Variants in LRP5 observed in about 807,000 individuals in gnomAD.
The protein encoded by LRP5 is LDL receptor related protein 5, also known as low-density lipoprotein receptor-related protein 5.
A neutral mutation model predicts 154.1 loss-of-function variants in LRP5; 62 were observed. The ratio of observed to expected loss-of-function variants is 0.40; its 90% CI spans 0.33 to 0.50. The LOEUF (loss-of-function observed/expected upper bound fraction) is 0.50. LRP5 is among the 20% of genes least tolerant of loss of function. The probability of loss-of-function intolerance (pLI) is 0.55; values close to 1 mark genes in which losing one functional copy is unlikely to be tolerated. For missense variants in LRP5, 1,915 were observed against 2,336.7 expected (o/e 0.82, Z 3.72); for synonymous variants, 966 against 1,011.5 (o/e 0.96, Z 0.85).
chr11:68,438,736 C>G, intron 20 of LRP5, 54 bp downstream of exon 20: 2 of 1,542,594 alleles, frequency 1.3e-6, no homozygotes, highest in Non-Finnish European at 1.8e-6. Flanking sequence ...GTAGTCTGGG[C>G]AGCTTTGGGG....
At chr11:68,319,581 C>G (rs1338625191) in intron 1 of LRP5, among the ~76,000 whole-genome samples, 1 of 152,126 alleles carries the variant, frequency 6.6e-6, no homozygotes, top group African/African-American at 2.4e-5. Flanking sequence ...GCCTCCAACT[C>G]CTGGGCTCAA....
chr11:68,439,773 C>A lies in LRP5; in HGVS notation c.4349-4C>A. The A allele has an allele frequency of 2.5e-6, 4 of 1,610,022 alleles. No homozygotes were observed. The highest frequency in any genetic ancestry group is 1.7e-5 in the Admixed American group (1 of 59,694). On this transcript the variant is annotated splice_region_variant and splice_polypyrimidine_tract_variant and intron_variant, in intron 20 of 22. Coordinates refer to ENST00000294304, the MANE Select transcript of LRP5 (RefSeq NM_002335.4). ...CCTGACCTCCCCCGTCCCTTCCCTG[C>A]CAGGCATCGCATGCGGAAAGTCCAT...
intron 3 of LRP5, among the ~76,000 whole-genome samples, chr11:68,359,975 G>C (rs2098626390): frequency 6.6e-6 from 1 of 151,796 alleles, no homozygotes; most frequent in African/African-American, 2.4e-5. Context: ...TTTTAGTAGG[G>C]ACGGGGTTTC....
intron 13 of LRP5, among the ~76,000 whole-genome samples, chr11:68,419,608 CAACT>C (rs1201919794): frequency 6.7e-6 from 1 of 149,310 alleles, no homozygotes; most frequent in Non-Finnish European, 1.5e-5. Flanking sequence ...GGCGTGGTAT[CAACT>C]CACTGCAACC....
chr11:68,364,468 C>T (rs2098629851), intron 4 of LRP5, among the ~76,000 whole-genome samples: 1 of 152,018 alleles, frequency 6.6e-6, no homozygotes. Flanking sequence ...GTGATCCTCA[C>T]ACCTTGACTT....
intron 3 of LRP5, among the ~76,000 whole-genome samples, chr11:68,358,553 AC>A: frequency 6.6e-6 from 1 of 151,752 alleles, no homozygotes; most frequent in Non-Finnish European, 1.5e-5. Flanking sequence ...CACCACCCCC[AC>A]CCTGGCCCTA....
intron 5 of LRP5, among the ~76,000 whole-genome samples, chr11:68,380,401 G>A (rs1378470027): frequency 6.6e-6 from 1 of 152,202 alleles, no homozygotes; most frequent in South Asian, 2.1e-4. Flanking sequence ...CTGAGGAGGC[G>A]GGAAGGAGAC....
At chr11:68,363,975 TGCGGGGGCTGGGGGGAGCGGGGGC>T in intron 4 of LRP5, 32 bp downstream of exon 4, 1 of 262,436 alleles carries the variant, frequency 3.8e-6, no homozygotes, top group Non-Finnish European at 6.6e-6. Flanking sequence ...GGGGCGAGGG[TGCGGGGGCTGGGGGGAGCGGGGGC>T]GCGGGGCAGG....
intron 9 of LRP5, among the ~76,000 whole-genome samples, chr11:68,409,125 A>C (rs2098657766): frequency 7.6e-6 from 1 of 132,164 alleles, no homozygotes; most frequent in Non-Finnish European, 1.6e-5. Context: ...CACACATAAT[A>C]TAAAAATATA....
chr11:68,335,433 A>G (rs2098605159), intron 1 of LRP5, among the ~76,000 whole-genome samples: 1 of 151,840 alleles, frequency 6.6e-6, no homozygotes, highest in Admixed American at 6.5e-5. Flanking sequence ...GCAGTAGCTC[A>G]CGCCTGTAAT....
In LRP5 at chr11:68,365,692, G is replaced by T; in HGVS notation, c.1005G>T (p.Thr335=). 1 of 1,479,792 alleles carries T rather than the reference G, an allele frequency of 6.8e-7. No individual in the cohort carries two copies. Among genetic ancestry groups the T allele is most frequent in the Non-Finnish European group, 9.2e-7 (1 of 1,092,250 alleles). 91.7% of individuals were successfully genotyped at this position (1,479,792 alleles called of 1,614,324 possible). ...TGVQLQDNGR[T]CKAGAEEVLL... ...TGCAGCTGCAGGACAACGGCAGGAC[G>T]TGTAAGGCAGGTGAGGCGGTGGGAC... is the stretch of plus-strand genomic sequence containing the variant. Residue 335 remains threonine (T), a synonymous_variant, in exon 5 of 23, where the codon ACG becomes ACT. Transcript: ENST00000294304.
At chr11:68,303,104 C>A in the LRP5 span, among the ~76,000 whole-genome samples, 1 of 152,138 alleles carries the variant, frequency 6.6e-6, no homozygotes, top group Non-Finnish European at 1.5e-5. Flanking sequence ...AAAGATGCAG[C>A]TTTAAATAAA....
At chr11:68,421,933 T>C (rs1436457636) in intron 13 of LRP5, among the ~76,000 whole-genome samples, 1 of 151,948 alleles carries the variant, frequency 6.6e-6, no homozygotes, top group African/African-American at 2.4e-5. Context: ...CTTTGTTTTA[T>C]TTGTATTTTT....
At chr11:68,331,657 T>C (rs2098602845) in intron 1 of LRP5, among the ~76,000 whole-genome samples, 1 of 152,262 alleles carries the variant, frequency 6.6e-6, no homozygotes, top group Non-Finnish European at 1.5e-5. Flanking sequence ...GTATGTTTCC[T>C]GTTCGCCTGC....
At chr11:68,421,717 TGTGTGTG>T (rs1391295636) in intron 13 of LRP5, among the ~76,000 whole-genome samples, 40 of 138,116 alleles carry the variant, frequency 2.9e-4, no homozygotes, top group Middle Eastern at 3.8e-3. Flanking sequence ...TGTGTGTGTG[TGTGTGTG>T]GTGTGTGTGT....
intron 7 of LRP5, among the ~76,000 whole-genome samples, chr11:68,398,413 T>C (rs1442372106): frequency 6.6e-6 from 1 of 152,214 alleles, no homozygotes; most frequent in Non-Finnish European, 1.5e-5. Flanking sequence ...ACCCTGGGAA[T>C]GGGACAGAAG....
In LRP5 at chr11:68,446,476, T is replaced by C; in HGVS notation, c.4529T>C (p.Leu1510Pro). ...PPPSPATDPS[L>P]YNMDMFYSSN... ...CCCTCCCCGGCCACGGACCCCTCCCTGTACAACATGGACATGTTCTACTCT... is the reference window on the plus strand; with the variant it reads ...CCCTCCCCGGCCACGGACCCCTCCCCGTACAACATGGACATGTTCTACTCT... Residue 1510 changes from leucine to proline, a missense_variant, in exon 22 of 23, where the codon CTG becomes CCG. By Grantham distance (98) the Leu-to-Pro change is moderately conservative. This residue lies in a region of LRP5 where 1,094 missense variants were observed against 1,210.1 expected (regional missense o/e 0.90). Transcript: ENST00000294304. The C allele has an allele frequency of 6.2e-7, 1 of 1,614,178 alleles. No homozygotes were observed. Among genetic ancestry groups the C allele is most frequent in the Non-Finnish European group, 8.5e-7 (1 of 1,180,018 alleles).
At chr11:68,301,917 C>T in the LRP5 span, among the ~76,000 whole-genome samples, 138 of 152,090 alleles carry the variant, frequency 9.1e-4, 1 homozygote, top group African/African-American at 3.2e-3. Flanking sequence ...CGTGAGCCAC[C>T]GCTCCCAGCC....
intron 13 of LRP5, among the ~76,000 whole-genome samples, chr11:68,418,124 T>C (rs2098663599): frequency 6.6e-6 from 1 of 152,026 alleles, no homozygotes; most frequent in Admixed American, 6.5e-5. Context: ...AGCAGCCTTC[T>C]TTTACAAAAA....
Sources: gnomAD v4.1 joint callset for allele counts (sites outside exome capture counted in the v4.1 genomes callset) on GRCh38, gnomAD v4.1.1 for gene constraint, gnomAD v4.1.1 regional missense constraint, MANE v1.5 for transcripts, NCBI Gene and HGNC (gene_info 2026-07-23, HGNC 2026-07-21) for gene names.